The following SNX9 variants were observed in gnomAD, a reference collection of about 807,000 sequenced individuals.
The protein encoded by SNX9 is sorting nexin 9, also known as sorting nexin-9.
A neutral mutation model predicts 89.4 loss-of-function variants in SNX9; 44 were observed. The observed-to-expected ratio is 0.49, with a 90% CI of 0.39 to 0.63. The LOEUF (loss-of-function observed/expected upper bound fraction) is 0.63. Among genes scored for constraint, SNX9 ranks in the 30% least tolerant of loss-of-function variants. The pLI is 0.00. For synonymous variants in SNX9, 236 were observed against 247.8 expected, an observed-to-expected ratio of 0.95 and a Z score of 0.45; for missense variants, 578 against 736.1, an observed-to-expected ratio of 0.79 and a Z score of 2.49.
intron 1 of SNX9, among the ~76,000 whole-genome samples, chr6:157,846,083 A>T (rs1292067246): frequency 6.6e-6 from 1 of 152,174 alleles, no homozygotes; most frequent in African/African-American, 2.4e-5. Flanking sequence ...GGCCCTCCTG[A>T]TGAGATTGTC....
intron 4 of SNX9, among the ~76,000 whole-genome samples, chr6:157,886,205 T>G (rs1424887507): frequency 6.6e-6 from 1 of 152,140 alleles, no homozygotes; most frequent in African/African-American, 2.4e-5. Flanking sequence ...TTGCCCTGCT[T>G]ACTGCATTTT....
chr6:157,907,423 A>G (rs1290652312), intron 7 of SNX9, among the ~76,000 whole-genome samples: 1 of 152,150 alleles, frequency 6.6e-6, no homozygotes, highest in Non-Finnish European at 1.5e-5. Flanking sequence ...CTGGGATTAC[A>G]GGCATGCACC....
chr6:157,907,677 T>C (rs945622596), intron 7 of SNX9, among the ~76,000 whole-genome samples: 6 of 152,190 alleles, frequency 3.9e-5, no homozygotes, highest in Non-Finnish European at 7.3e-5. Context: ...AAGTTTTAAG[T>C]AGAACTGCAC....
At chr6:157,933,948 C>T (rs1391970050) in intron 13 of SNX9, among the ~76,000 whole-genome samples, 2 of 152,208 alleles carry the variant, frequency 1.3e-5, no homozygotes, top group African/African-American at 4.8e-5. Context: ...TATCATTCTA[C>T]TTAAGATAAT....
At chr6:157,873,563 T>C (rs1363443767) in intron 3 of SNX9, among the ~76,000 whole-genome samples, 1 of 146,402 alleles carries the variant, frequency 6.8e-6, no homozygotes, top group Non-Finnish European at 1.5e-5. Context: ...ACATTTTAAA[T>C]ATATATTTAT....
intron 4 of SNX9, among the ~76,000 whole-genome samples, chr6:157,890,972 C>T (rs971242037): frequency 8.0e-5 from 12 of 150,938 alleles, no homozygotes; most frequent in Non-Finnish European, 1.2e-4. Context: ...AACTCAGACA[C>T]TGTTATTTTA....
At chr6:157,884,522 G>A (rs1322231037) in intron 4 of SNX9, among the ~76,000 whole-genome samples, 1 of 152,046 alleles carries the variant, frequency 6.6e-6, no homozygotes, top group Non-Finnish European at 1.5e-5. Context: ...TAGACATCTC[G>A]TAATTGCTTA....
intron 7 of SNX9, 25 bp downstream of exon 7, chr6:157,906,237 T>C (rs9365567): frequency 0.23 from 362,580 of 1,576,266 alleles, 42,703 homozygotes; most frequent in African/African-American, 0.28. Context: ...TTTTGTTTGC[T>C]TTCTTTCTGA....
intron 1 of SNX9, among the ~76,000 whole-genome samples, chr6:157,844,600 GTT>G (rs34836632): frequency 1.5e-5 from 2 of 131,804 alleles, no homozygotes; most frequent in South Asian, 5.1e-4. Flanking sequence ...TTTTTTTTTT[GTT>G]TTTTTTTTTG....
intron 17 of SNX9, among the ~76,000 whole-genome samples, 196 bp from the exon 18 acceptor site, chr6:157,942,595 G>A (rs78706103): frequency 0.021 from 3,128 of 152,346 alleles, 92 homozygotes; most frequent in African/African-American, 0.071. Context: ...GGGCCAGCTC[G>A]GGCCCCAGCG....
chr6:157,903,296 A>C (rs1295015923), intron 6 of SNX9, among the ~76,000 whole-genome samples: 1 of 152,250 alleles, frequency 6.6e-6, no homozygotes, highest in Non-Finnish European at 1.5e-5. Flanking sequence ...TTAGACATCA[A>C]GATCTAGGTC....
chr6:157,845,757 A>G (rs1431917072), intron 1 of SNX9, among the ~76,000 whole-genome samples: 1 of 152,170 alleles, frequency 6.6e-6, no homozygotes, highest in Non-Finnish European at 1.5e-5. Flanking sequence ...CATTAGTCAT[A>G]GTTTTGAGAT....
chr6:157,830,968 T>C (rs866524278), intron 1 of SNX9, among the ~76,000 whole-genome samples: 15 of 152,230 alleles, frequency 9.9e-5, no homozygotes, highest in Middle Eastern at 6.3e-3. Context: ...AGGCCAAATC[T>C]GCTCTTTTAT....
At chr6:157,933,349 A>T (rs1008186202) in intron 13 of SNX9, among the ~76,000 whole-genome samples, 1 of 152,202 alleles carries the variant, frequency 6.6e-6, no homozygotes, top group East Asian at 1.9e-4. Flanking sequence ...TAAATCTGTT[A>T]TCTCCTGTCA....
In SNX9 at chr6:157,823,320, C is replaced by A; in HGVS notation, c.-115C>A. On this transcript the variant is annotated 5_prime_UTR_variant, in exon 1 of 18. Coordinates refer to ENST00000392185, the MANE Select transcript of SNX9 (RefSeq NM_016224.5). The surrounding 1 kb of genome is among the most constrained non-coding windows in gnomAD (Gnocchi z 4.6). Reference sequence around the variant, plus strand: ...CCGAGGCGGAGGAGCGGCCGCCGCGCCGGGGCCCAGCCGGAGCCGCCGCCC... The same window carrying A: ...CCGAGGCGGAGGAGCGGCCGCCGCGACGGGGCCCAGCCGGAGCCGCCGCCC... 2 of 958,818 alleles carry A rather than the reference C, an allele frequency of 2.1e-6. No homozygotes were observed. Among genetic ancestry groups the A allele is most frequent in the Non-Finnish European group, 2.6e-6 (2 of 760,784 alleles). The allele number at this position is 958,818 out of a possible 1,614,324, so 59.4% of individuals were successfully genotyped here.
At chr6:157,921,046 C>T (rs970994102) in intron 9 of SNX9, among the ~76,000 whole-genome samples, 5 of 152,174 alleles carry the variant, frequency 3.3e-5, no homozygotes, top group African/African-American at 9.7e-5. Context: ...ATTTATATTG[C>T]ATTTGGACAC....
At chr6:157,927,286 G>T in intron 11 of SNX9, 72 bp downstream of exon 11, 1 of 1,080,062 alleles carries the variant, frequency 9.3e-7, no homozygotes, top group Non-Finnish European at 1.4e-6. Flanking sequence ...GCTTCAGCCA[G>T]TGTAGCCGCA....
At chr6:157,941,069 T>A in intron 17 of SNX9, 95 bp downstream of exon 17, 1 of 1,069,096 alleles carries the variant, frequency 9.4e-7, no homozygotes, top group Non-Finnish European at 1.4e-6. Context: ...TTGTATTCTT[T>A]AATCCTAAGT....
chr6:157,917,952 T>G (rs781166412), intron 9 of SNX9, among the ~76,000 whole-genome samples: 2 of 152,176 alleles, frequency 1.3e-5, no homozygotes, highest in Non-Finnish European at 2.9e-5. Context: ...TCTTTTGACC[T>G]CCAGTTTTAT....
Sources: gnomAD v4.1 joint callset for allele counts (sites outside exome capture counted in the v4.1 genomes callset) on GRCh38, gnomAD v4.1.1 for gene constraint, Gnocchi (gnomAD v3.1) non-coding constraint, MANE v1.5 for transcripts, NCBI Gene and HGNC (gene_info 2026-07-23, HGNC 2026-07-21) for gene names.